Variants in TMEM272 observed in about 807,000 individuals in gnomAD.
TMEM272 encodes long intergenic non-protein coding RNA 282.
In TMEM272, 8 loss-of-function variants were observed where a neutral mutation model predicts 3.7. The observed-to-expected ratio is 2.17, with a 90% CI of 1.27 to 3.91. The LOEUF is 3.91. Ranked by LOEUF, TMEM272 falls within the 30% of genes most tolerant of loss-of-function variation. TMEM272 has a pLI of 0.00. For missense variants in TMEM272, 166 were observed against 91.5 expected (o/e 1.81, Z -3.32); for synonymous variants, 63 against 39.8 (o/e 1.58, Z -2.20).
chr13:51,908,973 C>T, the TMEM272 span: 10 of 1,416,884 alleles, frequency 7.1e-6, no homozygotes, highest in Admixed American at 8.4e-5. Context: ...TCCTCCTCCC[C>T]CTGGAAGCAA....
chr13:51,894,613 G>A, the TMEM272 span, among the ~76,000 whole-genome samples: 28 of 152,108 alleles, frequency 1.8e-4, no homozygotes, highest in Non-Finnish European at 8.8e-5. Context: ...AAGGAAAGGC[G>A]CGAAAGGACT....
intron 2 of TMEM272, among the ~76,000 whole-genome samples, chr13:51,828,849 A>T (rs1273698402): frequency 6.6e-6 from 1 of 152,222 alleles, no homozygotes; most frequent in Non-Finnish European, 1.5e-5. Flanking sequence ...CAACTGAGTA[A>T]GCAGGGGGCT....
At chr13:51,896,277 G>A in the TMEM272 span, among the ~76,000 whole-genome samples, 2 of 152,206 alleles carry the variant, frequency 1.3e-5, no homozygotes, top group African/African-American at 4.8e-5. Context: ...GAATATAAAA[G>A]ATTTTCAAAG....
At chr13:51,925,832 G>A in the TMEM272 span, among the ~76,000 whole-genome samples, 1 of 151,772 alleles carries the variant, frequency 6.6e-6, no homozygotes, top group East Asian at 1.9e-4. Flanking sequence ...GACCGGACAT[G>A]ATTTTTTCTC....
chr13:51,920,909 C>G, the TMEM272 span, among the ~76,000 whole-genome samples: 1 of 152,250 alleles, frequency 6.6e-6, no homozygotes, highest in Admixed American at 6.5e-5. Flanking sequence ...TTCAGATTCT[C>G]TGCCCCATCG....
chr13:51,864,327 A>G, the TMEM272 span, among the ~76,000 whole-genome samples: 1 of 152,118 alleles, frequency 6.6e-6, no homozygotes, highest in African/African-American at 2.4e-5. Context: ...CACACCCCTT[A>G]GTCTCACCTC....
chr13:51,865,397 C>T, the TMEM272 span: 19 of 1,599,062 alleles, frequency 1.2e-5, no homozygotes, highest in South Asian at 2.2e-5. Flanking sequence ...CCCGCCATTC[C>T]GGCTGATAAG....
intron 1 of TMEM272, among the ~76,000 whole-genome samples, chr13:51,843,635 A>T (rs778260726): frequency 6.6e-6 from 1 of 152,192 alleles, no homozygotes; most frequent in Non-Finnish European, 1.5e-5. Flanking sequence ...ATTTGTTAGA[A>T]ATCTGAAACA....
the TMEM272 span, among the ~76,000 whole-genome samples, chr13:51,886,221 G>C: frequency 6.6e-5 from 10 of 152,202 alleles, no homozygotes; most frequent in Non-Finnish European, 1.2e-4. Flanking sequence ...TGCAGACTCT[G>C]GAAAAAACAA....
chr13:51,889,374 T>C, the TMEM272 span, among the ~76,000 whole-genome samples: 1 of 152,056 alleles, frequency 6.6e-6, no homozygotes, highest in Non-Finnish European at 1.5e-5. Context: ...TAAGGGTAAA[T>C]GAGGTCATAA....
rs116098058 is a variant in TMEM272 at position 51,825,139 on chromosome 13, A to T, written c.118+1427T>A. Reference sequence around the variant, plus strand: ...TAATAAGTGTTAATTTTTGAATTGCACTGTAATAATCACAGCACCAGGGCC... The same window carrying T: ...TAATAAGTGTTAATTTTTGAATTGCTCTGTAATAATCACAGCACCAGGGCC... On this transcript the variant is annotated intron_variant, in intron 3 of 4. Transcript: ENST00000629372. 9.9e-3 allele frequency among the ~76,000 whole-genome samples: 1,507 copies of T among 152,314 alleles called. 27 individuals are homozygous for T. Among genetic ancestry groups the T allele is most frequent in the African/African-American group, 0.035 (1,442 of 41,564 alleles).
the TMEM272 span, among the ~76,000 whole-genome samples, chr13:51,898,659 C>T: frequency 4.7e-5 from 7 of 150,422 alleles, no homozygotes; most frequent in East Asian, 1.2e-3. Context: ...TGCCCTTTGC[C>T]TACTTCACAG....
intron 4 of TMEM272, among the ~76,000 whole-genome samples, chr13:51,819,583 C>T (rs1956061758): frequency 6.6e-6 from 1 of 152,150 alleles, no homozygotes; most frequent in South Asian, 2.1e-4. Context: ...TTCTCTCCCA[C>T]TAACCTTTGA....
At chr13:51,848,962 A>C (rs7320382), upstream of TMEM272, among the ~76,000 whole-genome samples, 8,950 of 152,172 alleles carry the variant, frequency 0.059, 907 homozygotes, top group African/African-American at 0.2. Context: ...CACCGTTTCT[A>C]TATTTACCAT....
the TMEM272 span, chr13:51,934,070 T>G: frequency 1.9e-5 from 3 of 153,856 alleles, no homozygotes; most frequent in Non-Finnish European, 4.3e-5. Context: ...TGGCTGGGGA[T>G]GTGTGAGCCA....
Position 51,817,026 on chromosome 13 carries a change from G to A in TMEM272, c.289C>T (p.Pro97Ser). The change falls in exon 5 of 5, where the codon CCC (proline) becomes TCC (serine). Residue 97 changes from proline (P) to serine (S), a missense_variant. Coordinates refer to ENST00000629372, the MANE Select transcript of TMEM272 (RefSeq NM_001351003.2). Reference protein sequence around the residue: ...VIDDDDDDEYPWRQNAHRYYI... With the variant: ...VIDDDDDDEYSWRQNAHRYYI... ...TATCTGTGCGCATTCTGCCTCCAGGGGTATTCGTCATCGTCATCGTCATCA... is the reference window on the plus strand; with the variant it reads ...TATCTGTGCGCATTCTGCCTCCAGGAGTATTCGTCATCGTCATCGTCATCA... 1 of 702,976 alleles carries A rather than the reference G, an allele frequency of 1.4e-6. No homozygotes were observed. The highest frequency in any genetic ancestry group is 2.7e-5 in the East Asian group (1 of 37,284). The allele number at this position is 702,976 out of a possible 1,614,324, so 43.5% of individuals were successfully genotyped here. A position where few individuals can be genotyped will look rare whatever the true frequency, so the allele number is the denominator to read the frequency against.
chr13:51,919,412 A>G, the TMEM272 span, among the ~76,000 whole-genome samples: 1 of 152,200 alleles, frequency 6.6e-6, no homozygotes, highest in Admixed American at 6.5e-5. Flanking sequence ...CACCTCTCCC[A>G]GACCCCATTC....
chr13:51,839,828 C>T (rs1956246230), intron 1 of TMEM272, among the ~76,000 whole-genome samples: 2 of 152,232 alleles, frequency 1.3e-5, no homozygotes, highest in South Asian at 2.1e-4. Context: ...CTCTCTGCAG[C>T]TGATCCACTG....
chr13:51,901,110 G>A, the TMEM272 span, among the ~76,000 whole-genome samples: 14 of 152,084 alleles, frequency 9.2e-5, no homozygotes, highest in African/African-American at 3.1e-4. Context: ...CATCTATGAC[G>A]TGAATTATAT....
Sources: allele counts gnomAD v4.1 joint callset (sites outside exome capture counted in the v4.1 genomes callset), GRCh38; gene constraint gnomAD v4.1.1; transcripts MANE v1.5; gene names NCBI Gene and HGNC (gene_info 2026-07-23, HGNC 2026-07-21).